The following FSD1L variants were observed in gnomAD, a reference collection of about 807,000 sequenced individuals.
The protein encoded by FSD1L is FSD1-like protein.
Under a neutral mutation model 71.6 loss-of-function variants are expected in FSD1L, and 45 were observed. The observed-to-expected ratio is 0.63, with a 90% confidence interval of 0.49 to 0.81. FSD1L has a LOEUF of 0.81. FSD1L is among the 30% of genes least tolerant of loss of function. FSD1L has a pLI of 0.00. For missense variants in FSD1L, 561 were observed against 618.1 expected (o/e 0.91, Z 0.98); for synonymous variants, 197 against 207.2 (o/e 0.95, Z 0.42).
chr9:105,534,817 T>G (rs191074037), intron 11 of FSD1L, among the ~76,000 whole-genome samples: 39 of 152,292 alleles, frequency 2.6e-4, no homozygotes, highest in African/African-American at 9.4e-4. Flanking sequence ...CATCTTTATA[T>G]ATAAGCCGGG....
intron 10 of FSD1L, chr9:105,523,757 T>C (rs1430291029): frequency 5.6e-6 from 9 of 1,597,006 alleles, no homozygotes; most frequent in Non-Finnish European, 6.0e-6. Context: ...ATAGAGATTT[T>C]CTAACACATT....
intron 7 of FSD1L, among the ~76,000 whole-genome samples, chr9:105,492,897 G>T (rs1833056785): frequency 6.6e-6 from 1 of 152,146 alleles, no homozygotes; most frequent in South Asian, 2.1e-4. Context: ...TTTTACATTT[G>T]CTGAGGAGAG....
chr9:105,550,643 T>G lies in FSD1L; in HGVS notation c.*4160T>G, dbSNP rs888978808. ...ACCTAAACAGTTTAAGCATTTTGAA[T>G]TAGTTGGAGTTTAAATGGATTACAT... On this transcript the variant is annotated 3_prime_UTR_variant, in exon 14 of 14. Transcript: ENST00000481272. 5 of 152,062 alleles carry G rather than the reference T, an allele frequency of 3.3e-5. No individual in the cohort carries two copies. Among genetic ancestry groups the G allele is most frequent in the African/African-American group, 4.8e-5 (2 of 41,458 alleles). The allele number at this position is 152,062 out of a possible 1,614,324, so 9.4% of individuals were successfully genotyped here.
intron 5 of FSD1L, among the ~76,000 whole-genome samples, chr9:105,477,628 T>C (rs1026574326): frequency 3.9e-5 from 6 of 152,244 alleles, no homozygotes; most frequent in African/African-American, 1.4e-4. Flanking sequence ...TTGTTTCATA[T>C]CAGGTACAGA....
chr9:105,457,102 A>T (rs1194167508), intron 1 of FSD1L, among the ~76,000 whole-genome samples: 2 of 152,184 alleles, frequency 1.3e-5, no homozygotes, highest in African/African-American at 4.8e-5. Flanking sequence ...AAATGACTAT[A>T]TGTAACATGG....
chr9:105,451,577 T>A (rs1830007001), intron 1 of FSD1L, among the ~76,000 whole-genome samples: 2 of 152,234 alleles, frequency 1.3e-5, no homozygotes, highest in Admixed American at 1.3e-4. Context: ...AGGCATACTG[T>A]TGGATACAGA....
intron 10 of FSD1L, chr9:105,525,421 A>C: frequency 6.2e-7 from 1 of 1,607,332 alleles, no homozygotes; most frequent in Non-Finnish European, 8.5e-7. Context: ...TATTAATGCT[A>C]TCCTTAAGCA....
intron 1 of FSD1L, among the ~76,000 whole-genome samples, chr9:105,450,534 CTTTT>C (rs35115121): frequency 2.2e-5 from 3 of 137,930 alleles, no homozygotes; most frequent in Admixed American, 7.3e-5. Context: ...GGATTGTGTT[CTTTT>C]TTTTTTTTTT....
chr9:105,508,241 G>T (rs868215099), intron 8 of FSD1L, among the ~76,000 whole-genome samples: 2 of 143,592 alleles, frequency 1.4e-5, no homozygotes, highest in African/African-American at 5.2e-5. Flanking sequence ...GCAGTGGCGC[G>T]ATCTCAGCTA....
At chr9:105,533,138 C>G (rs1404811230) in intron 10 of FSD1L, among the ~76,000 whole-genome samples, 3 of 151,950 alleles carry the variant, frequency 2.0e-5, no homozygotes, top group African/African-American at 4.8e-5. Context: ...ATAGTTATCC[C>G]CATATCCCCC....
At chr9:105,535,914 C>G (rs1373269591) in intron 12 of FSD1L, among the ~76,000 whole-genome samples, 1 of 152,132 alleles carries the variant, frequency 6.6e-6, no homozygotes, top group Non-Finnish European at 1.5e-5. Flanking sequence ...ATGGAATGTT[C>G]TTAATTTTCA....
rs567674232 is a variant in FSD1L at position 105,490,439 on chromosome 9, C to T, written c.586+5937C>T. On this transcript the variant is annotated intron_variant, in intron 7 of 13. Coordinates refer to ENST00000481272, the MANE Select transcript of FSD1L (RefSeq NM_001145313.3). Reference sequence around the variant, plus strand: ...CAGATGAGTAGGTTGCGAATATTTTCTCCCATTTTGTAGGTTGCCTGTTCA... The same window carrying T: ...CAGATGAGTAGGTTGCGAATATTTTTTCCCATTTTGTAGGTTGCCTGTTCA... Among the ~76,000 whole-genome samples the T allele has an allele frequency of 6.6e-4, 100 of 152,236 alleles. 1 individual carries two copies. The highest frequency in any genetic ancestry group is 2.4e-3 in the African/African-American group (98 of 41,540).
chr9:105,471,507 A>T (rs1361105773), intron 4 of FSD1L, among the ~76,000 whole-genome samples: 3 of 152,064 alleles, frequency 2.0e-5, no homozygotes, highest in African/African-American at 7.2e-5. Context: ...GTTTAGAAAA[A>T]TACTTCCTAC....
intron 10 of FSD1L, chr9:105,520,607 A>T (rs2131415163): frequency 6.4e-7 from 1 of 1,557,824 alleles, no homozygotes; most frequent in Non-Finnish European, 8.9e-7. Flanking sequence ...TACTTCACAC[A>T]GGAGACTCCT....
rs1835162128 is a variant in FSD1L, at chr9:105,521,620, T to C, written c.1025+8684T>C. On this transcript the variant is annotated intron_variant, in intron 10 of 13. Coordinates refer to ENST00000481272, the MANE Select transcript of FSD1L (RefSeq NM_001145313.3). Reference sequence around the variant, plus strand: ...TTCATGCAAGAGCCTGAAGAAATTGTGATCACTTCTTCAGACCTCCCTTGC... The same window carrying C: ...TTCATGCAAGAGCCTGAAGAAATTGCGATCACTTCTTCAGACCTCCCTTGC... 12 of 1,613,080 alleles carry C rather than the reference T, an allele frequency of 7.4e-6. No individual in the cohort carries two copies. In the South Asian group the frequency reaches 8.8e-5, roughly 12 times the overall value.
At chr9:105,447,193 G>A (rs953261935), upstream of FSD1L, among the ~76,000 whole-genome samples, 1 of 151,216 alleles carries the variant, frequency 6.6e-6, no homozygotes, top group South Asian at 2.1e-4. Context: ...GGTGTGGTGG[G>A]GGCGCCTGTA....
At chr9:105,498,190 T>TTTATTA (rs61620098) in intron 7 of FSD1L, among the ~76,000 whole-genome samples, 12,403 of 143,296 alleles carry the variant, frequency 0.087, 645 homozygotes, top group African/African-American at 0.13. Flanking sequence ...TTGCTTTGGC[T>TTTATTA]TTATTATTAT....
chr9:105,447,324 C>CAAAAAAA (rs35514046), upstream of FSD1L, among the ~76,000 whole-genome samples: 28 of 61,536 alleles, frequency 4.6e-4, no homozygotes, highest in East Asian at 2.2e-3. Flanking sequence ...ACTCCATCTC[C>CAAAAAAA]AAAAAAAAAA....
intron 10 of FSD1L, among the ~76,000 whole-genome samples, chr9:105,526,628 T>A (rs1835530865): frequency 6.6e-6 from 1 of 152,246 alleles, no homozygotes; most frequent in Non-Finnish European, 1.5e-5. Context: ...ACATGCATGT[T>A]TCTTCCTGTA....
Sources: allele counts gnomAD v4.1 joint callset (sites outside exome capture counted in the v4.1 genomes callset), GRCh38; gene constraint gnomAD v4.1.1; transcripts MANE v1.5; gene names NCBI Gene and HGNC (gene_info 2026-07-23, HGNC 2026-07-21).